CSMD1: variants seen among roughly 807,000 people sequenced by gnomAD.
The protein encoded by CSMD1 is CUB and sushi domain-containing protein 1.
A neutral mutation model predicts 417.5 loss-of-function variants in CSMD1; 213 were observed. That is an observed-to-expected ratio of 0.51 (90% CI 0.46 to 0.57). CSMD1 has a LOEUF of 0.57. Among genes scored for constraint, CSMD1 ranks in the 20% least tolerant of loss-of-function variants. CSMD1 has a pLI of 0.00. For synonymous variants in CSMD1, 2,862 were observed against 1,736.8 expected (o/e 1.65, Z -16.11); for missense variants, 6,923 against 4,529.7 (o/e 1.53, Z -15.17).
chr8:4,444,881 A>T (rs1031603122), intron 2 of CSMD1, among the ~76,000 whole-genome samples: 2 of 152,190 alleles, frequency 1.3e-5, no homozygotes, highest in African/African-American at 4.8e-5. Flanking sequence ...AAGGTAATTG[A>T]TTGTTCAGAC....
At chr8:4,400,239 G>C (rs1336276209) in intron 3 of CSMD1, among the ~76,000 whole-genome samples, 1 of 152,216 alleles carries the variant, frequency 6.6e-6, no homozygotes, top group Non-Finnish European at 1.5e-5. Context: ...TTATGGACAT[G>C]GAAGAAGTTC....
chr8:3,787,124 A>C (rs1262194372), intron 5 of CSMD1, among the ~76,000 whole-genome samples: 1 of 152,124 alleles, frequency 6.6e-6, no homozygotes, highest in African/African-American at 2.4e-5. Context: ...ACTCAAGAGG[A>C]AGGGTAGTCA....
intron 7 of CSMD1, among the ~76,000 whole-genome samples, chr8:3,634,132 G>C (rs756727428): frequency 6.6e-6 from 1 of 152,204 alleles, no homozygotes; most frequent in Non-Finnish European, 1.5e-5. Context: ...CTGATGCTGG[G>C]AAGTAGCCTC....
intron 2 of CSMD1, among the ~76,000 whole-genome samples, chr8:4,593,201 G>C (rs975086254): frequency 1.3e-4 from 20 of 152,168 alleles, no homozygotes; most frequent in African/African-American, 4.3e-4. Context: ...GGGCCCTACA[G>C]AATCTGCCTT....
At chr8:3,370,672 C>A (rs553349039) in intron 18 of CSMD1, among the ~76,000 whole-genome samples, 1 of 152,078 alleles carries the variant, frequency 6.6e-6, no homozygotes, top group African/African-American at 2.4e-5. Context: ...GGGCTGGAAC[C>A]GAATAAAAAG....
At position 3,143,151 on chromosome 8, in the gene CSMD1, T is replaced by G. The variant is rs578235966; in HGVS notation, c.6032-477A>C. On this transcript the variant is annotated intron_variant, in intron 40 of 69. Coordinates refer to ENST00000635120, the MANE Select transcript of CSMD1 (RefSeq NM_033225.6). ...TGGTTTTAAAACATGCCACAGAGTT[T>G]TTTTTGTTTTTATTTTGTGTTTGTC... 1.3e-4 allele frequency among the ~76,000 whole-genome samples: 20 copies of G among 152,266 alleles called. 1 individual carries two copies. Among genetic ancestry groups the G allele is most frequent in the Middle Eastern group, 3.4e-3 (1 of 294 alleles).
At chr8:3,365,605 C>T (rs10089434) in intron 20 of CSMD1, among the ~76,000 whole-genome samples, 38,735 of 152,034 alleles carry the variant, frequency 0.25, 5,011 homozygotes, top group East Asian at 0.33. Flanking sequence ...TCAAGACTTA[C>T]CTTAGAAATT....
intron 1 of CSMD1, among the ~76,000 whole-genome samples, chr8:4,917,187 T>C (rs747051924): frequency 6.6e-6 from 1 of 152,084 alleles, no homozygotes; most frequent in Non-Finnish European, 1.5e-5. Flanking sequence ...CAGAGAGAAG[T>C]GGGAGGTGCT....
chr8:4,678,209 G>A (rs753783375), intron 1 of CSMD1, among the ~76,000 whole-genome samples: 23 of 126,990 alleles, frequency 1.8e-4, no homozygotes, highest in Non-Finnish European at 2.6e-4. Flanking sequence ...CCGGGAGTTC[G>A]AGGTCAGCCT....
At chr8:3,285,819 G>T (rs902027234) in intron 25 of CSMD1, among the ~76,000 whole-genome samples, 3 of 150,848 alleles carry the variant, frequency 2.0e-5, no homozygotes, top group African/African-American at 4.9e-5. Context: ...ATCCCCATTT[G>T]TGTATATATA....
intron 61 of CSMD1, among the ~76,000 whole-genome samples, chr8:2,961,471 T>C (rs547040290): frequency 1.3e-5 from 2 of 151,100 alleles, no homozygotes; most frequent in East Asian, 1.9e-4. Flanking sequence ...TTTTTTTCCA[T>C]TCTCTGGCTT....
intron 1 of CSMD1, among the ~76,000 whole-genome samples, chr8:4,968,780 A>C (rs1182163438): frequency 6.6e-6 from 1 of 152,124 alleles, no homozygotes; most frequent in African/African-American, 2.4e-5. Context: ...AAATAATAAA[A>C]ATAAAAAAAG....
chr8:4,562,001 T>A (rs944298760), intron 2 of CSMD1, among the ~76,000 whole-genome samples: 2 of 151,862 alleles, frequency 1.3e-5, no homozygotes, highest in Non-Finnish European at 2.9e-5. Context: ...AGCTTTAAAA[T>A]CACAGAAAAT....
At chr8:3,512,256 A>C (rs555695899) in intron 10 of CSMD1, among the ~76,000 whole-genome samples, 1 of 152,174 alleles carries the variant, frequency 6.6e-6, no homozygotes, top group Non-Finnish European at 1.5e-5. Flanking sequence ...CTGCATTCTC[A>C]TCTTCAGGGA....
At chr8:3,550,360 C>A (rs1297498579) in intron 10 of CSMD1, among the ~76,000 whole-genome samples, 5 of 152,208 alleles carry the variant, frequency 3.3e-5, no homozygotes, top group Admixed American at 1.3e-4. Context: ...AGGGCCTTGA[C>A]CCCGCCTGGA....
At chr8:3,307,545 G>A (rs1377625738) in intron 25 of CSMD1, 150 bp downstream of exon 25, 8 of 869,328 alleles carry the variant, frequency 9.2e-6, no homozygotes, top group South Asian at 7.2e-5. Flanking sequence ...GTAAGCAAGT[G>A]AGCCAACAAA....
chr8:3,504,895 A>G (rs1285266836), intron 10 of CSMD1, among the ~76,000 whole-genome samples: 1 of 152,190 alleles, frequency 6.6e-6, no homozygotes, highest in Non-Finnish European at 1.5e-5. Context: ...AAATTTCTGA[A>G]GCAGAACCCG....
At chr8:3,962,044 A>G (rs969179808) in intron 5 of CSMD1, among the ~76,000 whole-genome samples, 3 of 152,188 alleles carry the variant, frequency 2.0e-5, no homozygotes, top group East Asian at 1.9e-4. Flanking sequence ...GTTCCTGGAC[A>G]TGTGAGAAGG....
At chr8:3,530,362 T>A (rs1563126390) in intron 10 of CSMD1, among the ~76,000 whole-genome samples, 2 of 152,342 alleles carry the variant, frequency 1.3e-5, no homozygotes, top group South Asian at 2.1e-4. Context: ...TAATTTCATT[T>A]TCATTTGTCT....
Sources: gnomAD v4.1 joint callset for allele counts (sites outside exome capture counted in the v4.1 genomes callset) on GRCh38, gnomAD v4.1.1 for gene constraint, MANE v1.5 for transcripts, NCBI Gene and HGNC (gene_info 2026-07-23, HGNC 2026-07-21) for gene names.